The following C2orf76 variants were observed in gnomAD, a reference collection of about 807,000 sequenced individuals.
C2orf76 encodes the protein UPF0538 protein C2orf76.
A neutral mutation model predicts 16.9 loss-of-function variants in C2orf76; 23 were observed. That is an observed-to-expected ratio of 1.36 (90% CI 0.98 to 1.93). The LOEUF (loss-of-function observed/expected upper bound fraction) is 1.93, where lower values mean the gene tolerates loss of function less well. C2orf76 is among the 30% of genes most tolerant of loss of function. C2orf76 has a pLI of 0.00. For missense variants in C2orf76, 152 were observed against 152.6 expected, an observed-to-expected ratio of 1.00 and a Z score of 0.02; for synonymous variants, 48 against 52.3, an observed-to-expected ratio of 0.92 and a Z score of 0.35.
chr2:119,327,365 T>C (rs13016872), intron 2 of C2orf76, among the ~76,000 whole-genome samples: 1 of 118,596 alleles, frequency 8.4e-6, no homozygotes, highest in Non-Finnish European at 1.7e-5. Context: ...TTTTTTTTGG[T>C]GGAACCAGCA....
At chr2:119,358,620 A>G (rs1474669006) in intron 1 of C2orf76, among the ~76,000 whole-genome samples, 2 of 151,424 alleles carry the variant, frequency 1.3e-5, no homozygotes, top group African/African-American at 4.9e-5. Flanking sequence ...TGTCGCTGAT[A>G]TGGAGAAAGT....
At chr2:119,366,982 A>C, upstream of C2orf76, 2 of 1,605,394 alleles carry the variant, frequency 1.2e-6, no homozygotes, top group Non-Finnish European at 8.5e-7. Context: ...TTGCCAGTGC[A>C]ATCTGGGCGA....
At chr2:119,327,553 C>T (rs79194267) in intron 2 of C2orf76, among the ~76,000 whole-genome samples, 441 of 151,718 alleles carry the variant, frequency 2.9e-3, no homozygotes, top group African/African-American at 0.01. Flanking sequence ...ATAATGGGTG[C>T]GTTCCTCCTC....
Position 119,358,405 on chromosome 2 carries a change from C to T in C2orf76, c.-13+8385G>A, listed in dbSNP as rs368077481. 3.7e-4 allele frequency among the ~76,000 whole-genome samples: 57 copies of T among 152,126 alleles called. 1 individual carries two copies. Among genetic ancestry groups the T allele is most frequent in the Admixed American group, 1.1e-3 (17 of 15,286 alleles). On this transcript the variant is annotated intron_variant, in intron 1 of 5. Transcript: ENST00000334816. ...CAGCCTGACCAACATGGAGGAACCC[C>T]TGTCCCTACTAAAAATACAAAAATT...
chr2:119,298,137 A>C (rs951122558), downstream of C2orf76, among the ~76,000 whole-genome samples: 2 of 152,188 alleles, frequency 1.3e-5, no homozygotes, highest in Non-Finnish European at 2.9e-5. Context: ...ACACAAATAC[A>C]TTCTCCTTAT....
intron 5 of C2orf76, chr2:119,311,037 T>C: frequency 6.0e-6 from 3 of 500,554 alleles, no homozygotes; most frequent in Non-Finnish European, 7.8e-6. Flanking sequence ...GGTGTACATA[T>C]ACGTAGAATA....
At chr2:119,344,145 A>C (rs1183757922) in intron 1 of C2orf76, among the ~76,000 whole-genome samples, 1 of 152,214 alleles carries the variant, frequency 6.6e-6, no homozygotes, top group Non-Finnish European at 1.5e-5. Context: ...TTGGACAACT[A>C]TTGTCATCTT....
At chr2:119,313,846 T>C (rs562301326) in intron 4 of C2orf76, among the ~76,000 whole-genome samples, 197 of 152,268 alleles carry the variant, frequency 1.3e-3, no homozygotes, top group Middle Eastern at 3.4e-3. Flanking sequence ...TTGTATTTTA[T>C]TATGCTTAAA....
intron 1 of C2orf76, among the ~76,000 whole-genome samples, chr2:119,350,784 C>T (rs1479619770): frequency 6.6e-6 from 1 of 152,194 alleles, no homozygotes; most frequent in East Asian, 1.9e-4. Flanking sequence ...TTAACTTGCC[C>T]AGTGGTTCCC....
chr2:119,309,398 C>CTTTTTTTTTTTTTTTTTTTTTT (rs1193022536), intron 5 of C2orf76, among the ~76,000 whole-genome samples: 3 of 71,380 alleles, frequency 4.2e-5, no homozygotes, highest in East Asian at 4.0e-4. Flanking sequence ...TTCTCTTTTT[C>CTTTTTTTTTTTTTTTTTTTTTT]TTTTTTTTTT....
chr2:119,351,024 A>G (rs1293495707), intron 1 of C2orf76, among the ~76,000 whole-genome samples: 2 of 152,338 alleles, frequency 1.3e-5, no homozygotes, highest in East Asian at 1.9e-4. Context: ...GGTAGTAGTT[A>G]TGGTTTATAA....
chr2:119,349,448 C>T (rs1448962216), intron 1 of C2orf76, among the ~76,000 whole-genome samples: 2 of 152,300 alleles, frequency 1.3e-5, no homozygotes, highest in Middle Eastern at 3.4e-3. Context: ...AAACAGCATT[C>T]GGAGGCACCA....
chr2:119,318,632 C>A (rs897972329), intron 3 of C2orf76, among the ~76,000 whole-genome samples: 8 of 151,800 alleles, frequency 5.3e-5, no homozygotes, highest in African/African-American at 1.9e-4. Flanking sequence ...CAAGTTCAAG[C>A]AATTCGCCTG....
chr2:119,347,572 T>A (rs562074385), intron 1 of C2orf76, among the ~76,000 whole-genome samples: 49 of 152,154 alleles, frequency 3.2e-4, no homozygotes, highest in African/African-American at 1.1e-3. Context: ...GAAGCGTAGA[T>A]TAAAAAAAGA....
chr2:119,300,761 G>A (rs1455234074), downstream of C2orf76, among the ~76,000 whole-genome samples: 2 of 152,206 alleles, frequency 1.3e-5, no homozygotes, highest in Non-Finnish European at 2.9e-5. Context: ...TTATTGTAAA[G>A]TATTAAATAT....
intron 2 of C2orf76, among the ~76,000 whole-genome samples, chr2:119,331,755 T>G (rs1679684105): frequency 6.6e-6 from 1 of 152,206 alleles, no homozygotes; most frequent in African/African-American, 2.4e-5. Context: ...ATACATAGTT[T>G]TTTTAGTTGT....
At chr2:119,335,478 T>C (rs1040996984) in intron 2 of C2orf76, among the ~76,000 whole-genome samples, 1 of 152,172 alleles carries the variant, frequency 6.6e-6, no homozygotes, top group Non-Finnish European at 1.5e-5. Flanking sequence ...TGAGGGCATA[T>C]GTCAGAGGAG....
intron 2 of C2orf76, among the ~76,000 whole-genome samples, chr2:119,335,620 T>C (rs886263774): frequency 5.9e-5 from 9 of 152,176 alleles, no homozygotes; most frequent in African/African-American, 2.2e-4. Context: ...CTCCCGAGTG[T>C]TTAACTGTGA....
chr2:119,334,254 AGCG>A (rs954523880), intron 2 of C2orf76, among the ~76,000 whole-genome samples: 2 of 152,126 alleles, frequency 1.3e-5, no homozygotes, highest in African/African-American at 4.8e-5. Context: ...AGTGAAGCAC[AGCG>A]GATATTTTAG....
Sources: gnomAD v4.1 joint callset for allele counts (sites outside exome capture counted in the v4.1 genomes callset) on GRCh38, gnomAD v4.1.1 for gene constraint, MANE v1.5 for transcripts, NCBI Gene and HGNC (gene_info 2026-07-23, HGNC 2026-07-21) for gene names.